The following GALNT17 variants were observed in gnomAD, a reference collection of about 807,000 sequenced individuals.
The protein encoded by GALNT17 is polypeptide N-acetylgalactosaminyltransferase 17, also known as UDP-GalNAc:polypeptide N-acetylgalactosaminyltransferase-like 3.
GALNT17 carries 29 observed loss-of-function variants against 63.7 expected under a neutral mutation model. That is an observed-to-expected ratio of 0.46 (90% CI 0.34 to 0.62). The LOEUF is 0.62. Ranked by LOEUF, GALNT17 falls within the 20% of genes least tolerant of loss-of-function variation. GALNT17 has a pLI of 0.01. For missense variants in GALNT17, 603 were observed against 799.6 expected (o/e 0.75, Z 2.97); for synonymous variants, 305 against 318.3 (o/e 0.96, Z 0.45).
At chr7:71,181,679 G>T (rs534753284) in intron 1 of GALNT17, among the ~76,000 whole-genome samples, 1 of 151,536 alleles carries the variant, frequency 6.6e-6, no homozygotes, top group East Asian at 2.0e-4. Flanking sequence ...ACCAGCCCTA[G>T]GTAACTTAGC....
At chr7:71,185,177 C>T (rs937508986) in intron 1 of GALNT17, among the ~76,000 whole-genome samples, 4 of 147,334 alleles carry the variant, frequency 2.7e-5, no homozygotes, top group Non-Finnish European at 6.0e-5. Flanking sequence ...CTGTCCCCTC[C>T]TTCCTCTCTC....
At chr7:71,151,577 C>T (rs985199059) in intron 1 of GALNT17, among the ~76,000 whole-genome samples, 4 of 149,988 alleles carry the variant, frequency 2.7e-5, no homozygotes, top group Admixed American at 2.0e-4. Context: ...GCCGAGATCG[C>T]GCCACTCACT....
intron 1 of GALNT17, among the ~76,000 whole-genome samples, chr7:71,146,198 A>G (rs1416299987): frequency 6.6e-6 from 1 of 151,900 alleles, no homozygotes; most frequent in Non-Finnish European, 1.5e-5. Flanking sequence ...GCTGATCTCA[A>G]ATGACACAGA....
intron 6 of GALNT17, among the ~76,000 whole-genome samples, chr7:71,630,732 C>T (rs2116988213): frequency 6.6e-6 from 1 of 152,312 alleles, no homozygotes; most frequent in East Asian, 1.9e-4. Context: ...AGGCCAGAGA[C>T]TGAATTCAGC....
chr7:71,222,275 C>T (rs1453028826), intron 1 of GALNT17, among the ~76,000 whole-genome samples: 1 of 152,050 alleles, frequency 6.6e-6, no homozygotes, highest in Non-Finnish European at 1.5e-5. Flanking sequence ...AATCCAGGGT[C>T]CCATATTGTA....
chr7:71,711,903 C>A, intron 10 of GALNT17, 115 bp from the exon 11 acceptor site: 2 of 1,173,890 alleles, frequency 1.7e-6, no homozygotes, highest in Non-Finnish European at 1.2e-6. Flanking sequence ...TTCTCTTTTT[C>A]TTTTTCTCTT....
chr7:71,628,067 C>A (rs974178688), intron 6 of GALNT17, among the ~76,000 whole-genome samples: 1 of 70,138 alleles, frequency 1.4e-5, no homozygotes, highest in Non-Finnish European at 3.8e-5. Context: ...TAGGGGATCT[C>A]AGGGGGAAAA....
At chr7:71,634,270 G>C (rs900082638) in intron 6 of GALNT17, among the ~76,000 whole-genome samples, 3 of 152,114 alleles carry the variant, frequency 2.0e-5, no homozygotes, top group Non-Finnish European at 1.5e-5. Flanking sequence ...GCACTTTTGG[G>C]GGGTCCGTTT....
intron 3 of GALNT17, among the ~76,000 whole-genome samples, chr7:71,397,193 A>G (rs1310258449): frequency 6.6e-6 from 1 of 152,184 alleles, no homozygotes; most frequent in African/African-American, 2.4e-5. Context: ...GGATGAGAAC[A>G]TTCACCCATA....
intron 5 of GALNT17, among the ~76,000 whole-genome samples, chr7:71,495,482 C>T (rs867860667): frequency 5.3e-5 from 8 of 152,070 alleles, no homozygotes; most frequent in Non-Finnish European, 8.8e-5. Flanking sequence ...AAAATAACCT[C>T]GGTGGGGAGG....
intron 3 of GALNT17, among the ~76,000 whole-genome samples, chr7:71,401,016 A>G (rs1793229043): frequency 1.3e-5 from 2 of 152,182 alleles, no homozygotes; most frequent in Admixed American, 6.5e-5. Flanking sequence ...AACTTTAGCC[A>G]TAAAGTTTTC....
At chr7:71,602,968 G>C (rs917211871) in intron 6 of GALNT17, among the ~76,000 whole-genome samples, 2 of 152,124 alleles carry the variant, frequency 1.3e-5, no homozygotes, top group Non-Finnish European at 2.9e-5. Flanking sequence ...TGGATACTAT[G>C]CTAAGTGTAT....
At chr7:71,510,301 C>T (rs991265571) in intron 5 of GALNT17, among the ~76,000 whole-genome samples, 2 of 152,160 alleles carry the variant, frequency 1.3e-5, no homozygotes, top group African/African-American at 4.8e-5. Flanking sequence ...GTGTGTCCAT[C>T]AACACAATCC....
chr7:71,169,019 C>G (rs1788497414), intron 1 of GALNT17, among the ~76,000 whole-genome samples: 1 of 152,094 alleles, frequency 6.6e-6, no homozygotes, highest in Non-Finnish European at 1.5e-5. Context: ...ACTGTCACCT[C>G]TAATCCTTTG....
chr7:71,556,232 T>A (rs1789161178), intron 5 of GALNT17, among the ~76,000 whole-genome samples: 1 of 152,226 alleles, frequency 6.6e-6, no homozygotes, highest in African/African-American at 2.4e-5. Context: ...CACCTGACTG[T>A]CCTTGGGTAA....
intron 8 of GALNT17, among the ~76,000 whole-genome samples, chr7:71,673,149 T>G (rs1197937026): frequency 6.6e-6 from 1 of 152,146 alleles, no homozygotes; most frequent in African/African-American, 2.4e-5. Context: ...CCACATGTAT[T>G]AAAAAGCTTG....
At position 71,226,852 on chromosome 7, in the gene GALNT17, G is replaced by A. The variant is rs376786874; in HGVS notation, c.238+93812G>A. Reference sequence around the variant, plus strand: ...ATGGAAAGTATTGCCAAAAGGCTCCGTGGTCCTTTTGGGTCTCCTTTGGAA... The same window carrying A: ...ATGGAAAGTATTGCCAAAAGGCTCCATGGTCCTTTTGGGTCTCCTTTGGAA... On this transcript the variant is annotated intron_variant, in intron 1 of 10. Coordinates refer to ENST00000333538, the MANE Select transcript of GALNT17 (RefSeq NM_022479.3). Among the ~76,000 whole-genome samples, 5 of 152,178 alleles carry A rather than the reference G, an allele frequency of 3.3e-5. No individual in the cohort carries two copies. In the East Asian group the frequency reaches 9.7e-4, roughly 30 times the overall value.
chr7:71,274,590 T>C (rs1330168447), intron 1 of GALNT17, among the ~76,000 whole-genome samples: 1 of 152,222 alleles, frequency 6.6e-6, no homozygotes, highest in Non-Finnish European at 1.5e-5. Flanking sequence ...CTCATTCTGC[T>C]TTTTATGTAT....
chr7:71,133,233 CT>C (rs1297240865), intron 1 of GALNT17, among the ~76,000 whole-genome samples, 193 bp downstream of exon 1: 1 of 152,170 alleles, frequency 6.6e-6, no homozygotes, highest in Non-Finnish European at 1.5e-5. Flanking sequence ...TTGCCTGATT[CT>C]TTTCTGTGCC....
Sources: allele counts gnomAD v4.1 joint callset (sites outside exome capture counted in the v4.1 genomes callset), GRCh38; gene constraint gnomAD v4.1.1; transcripts MANE v1.5; gene names NCBI Gene and HGNC (gene_info 2026-07-23, HGNC 2026-07-21).